Variants in PCDHA9 observed in about 807,000 individuals in gnomAD.
PCDHA9 encodes protocadherin alpha-9.
A neutral mutation model predicts 62.0 loss-of-function variants in PCDHA9; 62 were observed. The ratio of observed to expected loss-of-function variants is 1.00; its 90% CI spans 0.81 to 1.23. PCDHA9 has a LOEUF of 1.23. Ranked by LOEUF, PCDHA9 falls within the 50% of genes most tolerant of loss-of-function variation. The probability of loss-of-function intolerance (pLI) is 0.00; values close to 1 mark genes in which losing one functional copy is unlikely to be tolerated. For synonymous variants in PCDHA9, 557 were observed against 567.6 expected (o/e 0.98, Z 0.27); for missense variants, 1,205 against 1,249.8 (o/e 0.96, Z 0.54).
chr5:140,925,782 A>T (rs567008166), intron 1 of PCDHA9, among the ~76,000 whole-genome samples: 10 of 152,174 alleles, frequency 6.6e-5, no homozygotes, highest in Admixed American at 4.6e-4. Context: ...AACTCTAATG[A>T]GTATCTCAGT....
At position 140,998,145 on chromosome 5, in the gene PCDHA9, A is replaced by G. The variant is rs115385085; in HGVS notation, c.2543-11482A>G. ...GAATCATAATAGCTAACCTGTACTG[A>G]ACAGTTAAGCCATGTGCCAAGTATT... On this transcript the variant is annotated intron_variant, in intron 3 of 3. Transcript: ENST00000532602. 2.1e-3 allele frequency among the ~76,000 whole-genome samples: 325 copies of G among 152,342 alleles called. 2 individuals carry two copies. Among genetic ancestry groups the G allele is most frequent in the African/African-American group, 7.1e-3 (294 of 41,566 alleles).
At chr5:140,945,190 G>A (rs1372387920) in intron 1 of PCDHA9, among the ~76,000 whole-genome samples, 1 of 152,000 alleles carries the variant, frequency 6.6e-6, no homozygotes, top group Non-Finnish European at 1.5e-5. Flanking sequence ...AGAAAACCAT[G>A]CTATTTACAA....
rs1554204607 is a variant in PCDHA9 at position 140,927,485 on chromosome 5, C to G, written c.2395-51464C>G. On this transcript the variant is annotated intron_variant, in intron 1 of 3. Transcript: ENST00000532602. ...GCACTGGATCGCGAACAGCGCGCCA[C>G]CCACCTGCTGGTGCTTACAGCTCGG... is the stretch of plus-strand genomic sequence containing the variant. The G allele has an allele frequency of 2.5e-6, 4 of 1,614,098 alleles. No individual in the cohort carries two copies. In the Admixed American group the frequency reaches 6.7e-5, roughly 27 times the overall value.
intron 1 of PCDHA9, among the ~76,000 whole-genome samples, chr5:140,961,208 A>T (rs1268712075): frequency 1.3e-5 from 2 of 152,164 alleles, no homozygotes; most frequent in African/African-American, 4.8e-5. Flanking sequence ...GTTGGTATTG[A>T]TGAAGAAACT....
intron 1 of PCDHA9, among the ~76,000 whole-genome samples, chr5:140,925,841 C>CT (rs1451775258): frequency 1.3e-5 from 2 of 152,066 alleles, no homozygotes; most frequent in African/African-American, 4.8e-5. Flanking sequence ...GTCGTCAAGT[C>CT]TTTGAGTTTC....
intron 1 of PCDHA9, chr5:140,884,522 C>T: frequency 6.2e-7 from 1 of 1,614,058 alleles, no homozygotes. Flanking sequence ...GTCGTACTCG[C>T]AGCAGAGGCG....
chr5:140,968,159 A>T, intron 1 of PCDHA9: 6 of 1,614,136 alleles, frequency 3.7e-6, no homozygotes, highest in Non-Finnish European at 4.2e-6. Flanking sequence ...CATCAATGAC[A>T]ATCCACCAAG....
chr5:140,964,631 T>C (rs1415762552), intron 1 of PCDHA9, among the ~76,000 whole-genome samples: 1 of 152,074 alleles, frequency 6.6e-6, no homozygotes, highest in African/African-American at 2.4e-5. Flanking sequence ...ATAAGCCATT[T>C]ATTTTCAGAA....
At chr5:140,912,472 G>A (rs993404931) in intron 1 of PCDHA9, among the ~76,000 whole-genome samples, 4 of 151,836 alleles carry the variant, frequency 2.6e-5, no homozygotes, top group African/African-American at 9.7e-5. Context: ...GAACTTTACT[G>A]AATTCATTTA....
At chr5:140,955,522 C>A (rs1467341493) in intron 1 of PCDHA9, among the ~76,000 whole-genome samples, 5 of 152,180 alleles carry the variant, frequency 3.3e-5, no homozygotes, top group African/African-American at 1.2e-4. Context: ...GCTTTCCCTT[C>A]CACCATGATT....
At chr5:140,975,779 A>G (rs1439511378) in intron 1 of PCDHA9, among the ~76,000 whole-genome samples, 1 of 152,118 alleles carries the variant, frequency 6.6e-6, no homozygotes, top group Non-Finnish European at 1.5e-5. Context: ...TAATACCATT[A>G]CAAGATAAAT....
chr5:140,850,943 T>G lies in PCDHA9; in HGVS notation c.2394+54T>G, dbSNP rs2150503194. On this transcript the variant is annotated intron_variant, in intron 1 of 3. Coordinates refer to ENST00000532602, the MANE Select transcript of PCDHA9 (RefSeq NM_031857.2). The stretch of plus-strand genomic sequence containing the variant: ...ATATAATTTTTTTTCTTGAAAGATA[T>G]TATCGATTACTCCCAGGGGCCGTTC... 7.3e-6 allele frequency: 11 copies of G among 1,506,780 alleles called. 2 individuals are homozygous for G. Among genetic ancestry groups the G allele is most frequent in the Non-Finnish European group, 8.9e-6 (10 of 1,121,750 alleles). The allele number at this position is 1,506,780 out of a possible 1,614,324, so 93.3% of individuals were successfully genotyped here.
At chr5:140,882,217 A>C in intron 1 of PCDHA9, 1 of 1,542,972 alleles carries the variant, frequency 6.5e-7, no homozygotes, top group Non-Finnish European at 8.7e-7. Context: ...AGACAGTTTG[A>C]GGTAAGGCGT....
rs2096607447 is a variant in PCDHA9, at chr5:140,973,909, C to T, written c.2395-5040C>T. 2.0e-5 allele frequency among the ~76,000 whole-genome samples: 3 copies of T among 152,194 alleles called. 1 individual carries two copies. The highest frequency in any genetic ancestry group is 2.0e-4 in the Admixed American group (3 of 15,280). On this transcript the variant is annotated intron_variant, in intron 1 of 3. Coordinates refer to ENST00000532602, the MANE Select transcript of PCDHA9 (RefSeq NM_031857.2). ...ATTTGCAAATGTTTGAGGAAACATT[C>T]CTGTCACCAAACCCAGAGGTTTAGC...
intron 1 of PCDHA9, among the ~76,000 whole-genome samples, chr5:140,892,669 C>T (rs1361630982): frequency 2.6e-5 from 4 of 152,134 alleles, no homozygotes; most frequent in African/African-American, 9.7e-5. Context: ...CATTTTGATA[C>T]ATATATACAA....
intron 1 of PCDHA9, among the ~76,000 whole-genome samples, chr5:140,941,214 CCTTTCTTTCTTT>C (rs60032403): frequency 3.3e-5 from 4 of 122,414 alleles, no homozygotes; most frequent in Non-Finnish European, 6.8e-5. Flanking sequence ...TTTCTTTCTT[CCTTTCTTTCTTT>C]CTTTCTTTCT....
At chr5:140,997,910 A>T (rs2097790102) in intron 3 of PCDHA9, among the ~76,000 whole-genome samples, 2 of 152,234 alleles carry the variant, frequency 1.3e-5, no homozygotes. Flanking sequence ...AAGTAGAATT[A>T]CAGAATCATA....
At chr5:140,884,295 C>G in intron 1 of PCDHA9, 1 of 1,613,680 alleles carries the variant, frequency 6.2e-7, no homozygotes, top group Non-Finnish European at 8.5e-7. Flanking sequence ...GGCCAAGCGC[C>G]ACAGGCTTCG....
chr5:141,007,517 G>A (rs2098333696), intron 3 of PCDHA9, among the ~76,000 whole-genome samples: 1 of 151,984 alleles, frequency 6.6e-6, no homozygotes, highest in African/African-American at 2.4e-5. Flanking sequence ...GCAGTGAGCT[G>A]ATATCTCGCC....
Sources: gnomAD v4.1 joint callset for allele counts (sites outside exome capture counted in the v4.1 genomes callset) on GRCh38, gnomAD v4.1.1 for gene constraint, MANE v1.5 for transcripts, NCBI Gene and HGNC (gene_info 2026-07-23, HGNC 2026-07-21) for gene names.